The following STRN variants were observed in gnomAD, a reference collection of about 807,000 sequenced individuals.
The protein encoded by STRN is protein phosphatase 2 regulatory subunit B'''alpha.
STRN carries 53 observed loss-of-function variants against 96.3 expected under a neutral mutation model. The observed-to-expected ratio is 0.55, with a 90% CI of 0.44 to 0.69. The LOEUF is 0.69. Among genes scored for constraint, STRN ranks in the 30% least tolerant of loss-of-function variants. The pLI, the probability that STRN is intolerant of heterozygous loss-of-function variation, is 0.00. For synonymous variants in STRN, 428 were observed against 355.9 expected (o/e 1.20, Z -2.28); for missense variants, 987 against 963.9 (o/e 1.02, Z -0.32).
intron 1 of STRN, among the ~76,000 whole-genome samples, chr2:36,927,156 C>T (rs1464778307): frequency 1.3e-5 from 2 of 152,170 alleles, no homozygotes; most frequent in Non-Finnish European, 2.9e-5. Flanking sequence ...GCCTACAATA[C>T]CATAAAGTCT....
chr2:36,920,548 T>G (rs985941571), intron 2 of STRN, among the ~76,000 whole-genome samples: 12 of 149,410 alleles, frequency 8.0e-5, no homozygotes, highest in African/African-American at 2.5e-4. Context: ...TGAGGCAGGA[T>G]AATCTCTTGA....
intron 6 of STRN, among the ~76,000 whole-genome samples, chr2:36,896,195 T>C (rs1669536320): frequency 6.6e-6 from 1 of 152,174 alleles, no homozygotes; most frequent in African/African-American, 2.4e-5. Context: ...AGTATGAATA[T>C]ATTTTCAACA....
At chr2:36,866,034 T>C (rs1273650735) in intron 12 of STRN, among the ~76,000 whole-genome samples, 1 of 152,190 alleles carries the variant, frequency 6.6e-6, no homozygotes, top group African/African-American at 2.4e-5. Flanking sequence ...TTAATTTCCA[T>C]GTAACTGTAT....
chr2:36,848,644 CCT>C lies in STRN; in HGVS notation c.*810_*811del, dbSNP rs1260258307. 3 of 151,918 alleles carry C rather than the reference CCT, an allele frequency of 2.0e-5. No homozygotes were observed. Among genetic ancestry groups the C allele is most frequent in the Non-Finnish European group, 4.4e-5 (3 of 68,000 alleles). 9.4% of individuals were successfully genotyped at this position (151,918 alleles called of 1,614,324 possible). ...AATAGAAATTATTAAAGAGATATGC[CCT>C]GTTTACCCTTAAAAATAAACAGAAT... On this transcript the variant is annotated 3_prime_UTR_variant, in exon 18 of 18. Coordinates refer to ENST00000263918, the MANE Select transcript of STRN (RefSeq NM_003162.4).
At chr2:36,899,223 A>G (rs1358836375) in intron 6 of STRN, among the ~76,000 whole-genome samples, 5 of 152,206 alleles carry the variant, frequency 3.3e-5, no homozygotes, top group Non-Finnish European at 7.3e-5. Flanking sequence ...TCTTGTAACA[A>G]CCAATAACCC....
At chr2:36,908,359 A>G (rs1669875734) in intron 3 of STRN, among the ~76,000 whole-genome samples, 1 of 152,242 alleles carries the variant, frequency 6.6e-6, no homozygotes, top group African/African-American at 2.4e-5. Context: ...AAGAAGAACA[A>G]GGAATGAATT....
At position 36,843,313 on chromosome 2, in the gene STRN, GT is replaced by G. The variant is rs1667992159; in HGVS notation, c.*6142del. On this transcript the variant is annotated 3_prime_UTR_variant, in exon 18 of 18. Transcript: ENST00000263918. ...GGATCCTGATTGGAACAAAAAGACT[GT>G]GAGTTCTGGGCAGGCCAAAGGCCTT... Among the ~76,000 whole-genome samples, 1 of 152,136 alleles carries G rather than the reference GT, an allele frequency of 6.6e-6. No homozygotes were observed. The highest frequency in any genetic ancestry group is 2.1e-4 in the South Asian group (1 of 4,830).
chr2:36,897,559 C>T (rs888742330), intron 6 of STRN, among the ~76,000 whole-genome samples: 2 of 151,646 alleles, frequency 1.3e-5, no homozygotes, highest in Admixed American at 6.6e-5. Flanking sequence ...CCTCAGCCTC[C>T]CGAGTAGCTG....
chr2:36,845,433 A>C lies in STRN; in HGVS notation c.*4023T>G, dbSNP rs894605622. ...TTCAGTTAAAATGGCAGCAATGACA[A>C]AGAGGTAGATATGAGAGATGCTTTT... On this transcript the variant is annotated 3_prime_UTR_variant, in exon 18 of 18. Transcript: ENST00000263918. The C allele has an allele frequency of 6.6e-6, 1 of 152,184 alleles. No individual in the cohort carries two copies. The highest frequency in any genetic ancestry group is 2.1e-4 in the South Asian group (1 of 4,834). 9.4% of individuals were successfully genotyped at this position (152,184 alleles called of 1,614,324 possible).
In STRN at chr2:36,957,742, G is replaced by GTTTTTTTTTT. The variant is rs1158709835; in HGVS notation, c.234+8487_234+8488insAAAAAAAAAA. On this transcript the variant is annotated intron_variant, in intron 1 of 17. Transcript: ENST00000263918. ...GATTAGTCTCATAGTTCTTCTTTTTGTCTTTTTTTTTTTTTTTTTTTTTTT... is the reference window on the plus strand; with the variant it reads ...GATTAGTCTCATAGTTCTTCTTTTTGTTTTTTTTTTTCTTTTTTTTTTTTTTTTTTTTTTT... Among the ~76,000 whole-genome samples, 94 of 103,098 alleles carry GTTTTTTTTTT rather than the reference G, an allele frequency of 9.1e-4. 13 individuals are homozygous for GTTTTTTTTTT. The highest frequency in any genetic ancestry group is 1.2e-3 in the Non-Finnish European group (61 of 51,646). The allele number at this position is 103,098 out of a possible 152,430, so 67.6% of individuals were successfully genotyped here.
chr2:36,950,004 T>G (rs1215812677), intron 1 of STRN, among the ~76,000 whole-genome samples: 2 of 151,424 alleles, frequency 1.3e-5, no homozygotes, highest in Non-Finnish European at 2.9e-5. Flanking sequence ...GACTGAGAAA[T>G]GAGTAACCAA....
At chr2:36,909,374 A>T (rs13430716) in intron 3 of STRN, among the ~76,000 whole-genome samples, 1 of 152,100 alleles carries the variant, frequency 6.6e-6, no homozygotes, top group African/African-American at 2.4e-5. Flanking sequence ...GGTAATATCG[A>T]AAGTATTTGA....
At chr2:36,930,730 A>G (rs1369158666) in intron 1 of STRN, among the ~76,000 whole-genome samples, 1 of 151,970 alleles carries the variant, frequency 6.6e-6, no homozygotes, top group Non-Finnish European at 1.5e-5. Flanking sequence ...GTTAAGGAGC[A>G]AGGAAAAGAA....
chr2:36,849,741 G>A lies in STRN; in HGVS notation c.2146C>T (p.Pro716Ser), dbSNP rs1267896874. ...LEAVTSLAVD[P>S]NGLYLMSGSH... Reference sequence around the variant, plus strand: ...CCAGACATCAAGTAAAGGCCATTGGGATCAACTGCTAAACTTGTAACAGCT... The same window carrying A: ...CCAGACATCAAGTAAAGGCCATTGGAATCAACTGCTAAACTTGTAACAGCT... The change falls in exon 17 of 18, where the codon CCC becomes TCC. Residue 716 changes from proline to serine, a missense_variant. Pro to Ser is a moderately conservative substitution (Grantham distance 74). Coordinates refer to ENST00000263918, the MANE Select transcript of STRN (RefSeq NM_003162.4). 4 of 1,613,982 alleles carry A rather than the reference G, an allele frequency of 2.5e-6. No individual in the cohort carries two copies. In the African/African-American group the frequency reaches 5.3e-5, roughly 22 times the overall value.
intron 15 of STRN, 98 bp from the exon 16 acceptor site, chr2:36,851,205 C>T (rs1668212840): frequency 1.0e-5 from 11 of 1,099,768 alleles, no homozygotes; most frequent in Admixed American, 9.1e-5. Context: ...AAAAAGTAGG[C>T]CGGCCGCGGT....
chr2:36,844,340 AGC>A lies in STRN; in HGVS notation c.*5114_*5115del, dbSNP rs1306176896. 4 of 152,182 alleles carry A rather than the reference AGC, an allele frequency of 2.6e-5. No homozygotes were observed. The highest frequency in any genetic ancestry group is 7.2e-5 in the African/African-American group (3 of 41,462). 9.4% of individuals were successfully genotyped at this position (152,182 alleles called of 1,614,324 possible). A position where few individuals can be genotyped will look rare whatever the true frequency, so the allele number is the denominator to read the frequency against. ...TCTGATTGCTGATAATAACAAATTT[AGC>A]AGCTCTCTACAAGTCAATTAAAATA... On this transcript the variant is annotated 3_prime_UTR_variant, in exon 18 of 18. Coordinates refer to ENST00000263918, the MANE Select transcript of STRN (RefSeq NM_003162.4).
intron 3 of STRN, among the ~76,000 whole-genome samples, chr2:36,910,347 A>G (rs1011447088): frequency 4.6e-5 from 7 of 152,310 alleles, no homozygotes; most frequent in African/African-American, 1.7e-4. Flanking sequence ...TTTTCATATT[A>G]GTATTTAAAT....
intron 1 of STRN, among the ~76,000 whole-genome samples, chr2:36,934,322 G>C (rs746517842): frequency 1.3e-5 from 2 of 152,136 alleles, no homozygotes; most frequent in Non-Finnish European, 2.9e-5. Flanking sequence ...CTTCATTAAA[G>C]TTGAAAAGGA....
chr2:36,863,365 A>C (rs1019931440), intron 12 of STRN, among the ~76,000 whole-genome samples: 1 of 152,212 alleles, frequency 6.6e-6, no homozygotes, highest in Non-Finnish European at 1.5e-5. Flanking sequence ...GGTATAAGGA[A>C]GGGGTCCAGT....
Sources: gnomAD v4.1 joint callset for allele counts (sites outside exome capture counted in the v4.1 genomes callset) on GRCh38, gnomAD v4.1.1 for gene constraint, MANE v1.5 for transcripts, NCBI Gene and HGNC (gene_info 2026-07-23, HGNC 2026-07-21) for gene names.